The following CAGE1 variants were observed in gnomAD, a reference collection of about 807,000 sequenced individuals.
CAGE1 encodes cancer-associated gene 1 protein.
In CAGE1, 66 loss-of-function variants were observed where a neutral mutation model predicts 94.9. The ratio of observed to expected loss-of-function variants is 0.70; its 90% CI spans 0.57 to 0.85. The LOEUF is 0.85. Among genes scored for constraint, CAGE1 ranks in the 40% least tolerant of loss-of-function variants. The pLI is 0.00. For missense variants in CAGE1, 865 were observed against 950.4 expected (o/e 0.91, Z 1.18); for synonymous variants, 319 against 321.0 (o/e 0.99, Z 0.07).
At chr6:7,371,192 C>T (rs1045581915) in intron 5 of CAGE1, among the ~76,000 whole-genome samples, 1 of 152,110 alleles carries the variant, frequency 6.6e-6, no homozygotes, top group African/African-American at 2.4e-5. Flanking sequence ...TTCTCAGGCC[C>T]CACCCCAGAA....
chr6:7,337,279 A>T (rs1170980255), intron 11 of CAGE1, among the ~76,000 whole-genome samples: 2 of 146,570 alleles, frequency 1.4e-5, no homozygotes, highest in South Asian at 2.3e-4. Flanking sequence ...GTGAGCCAAG[A>T]TTGCACCACT....
At chr6:7,330,061 T>C (rs1329179883) in intron 12 of CAGE1, among the ~76,000 whole-genome samples, 173 bp from the exon 13 acceptor site, 1 of 152,166 alleles carries the variant, frequency 6.6e-6, no homozygotes, top group African/African-American at 2.4e-5. Flanking sequence ...CTTTTTGGTA[T>C]ATAACATGTG....
rs1437922801 is a variant in CAGE1, at chr6:7,362,467, G to A, written c.2193+3001C>T. ...TTTGCACTTGACAGTTAAACACCCAGGATGCTTGAGCCAGCAGGAAGGCAA... is the reference window on the plus strand; with the variant it reads ...TTTGCACTTGACAGTTAAACACCCAAGATGCTTGAGCCAGCAGGAAGGCAA... On this transcript the variant is annotated intron_variant, in intron 9 of 13. Transcript: ENST00000502583. The surrounding 1 kb of genome is among the most constrained non-coding windows in gnomAD (Gnocchi z 4.1). 6.6e-6 allele frequency among the ~76,000 whole-genome samples: 1 copy of A among 152,144 alleles called. No individual in the cohort carries two copies. Among genetic ancestry groups the A allele is most frequent in the African/African-American group, 2.4e-5 (1 of 41,434 alleles).
At chr6:7,388,292 C>T (rs1173627540) in intron 1 of CAGE1, among the ~76,000 whole-genome samples, 1 of 152,182 alleles carries the variant, frequency 6.6e-6, no homozygotes, top group Non-Finnish European at 1.5e-5. Context: ...AGATAATGTT[C>T]CTTACGAATT....
chr6:7,343,021 T>C (rs1481685586), intron 11 of CAGE1, among the ~76,000 whole-genome samples: 1 of 152,000 alleles, frequency 6.6e-6, no homozygotes, highest in Non-Finnish European at 1.5e-5. Flanking sequence ...ACCCTGTCTC[T>C]ACTAAAAATA....
chr6:7,331,381 G>A (rs1561845156), intron 12 of CAGE1: 2 of 966,762 alleles, frequency 2.1e-6, no homozygotes, highest in Admixed American at 2.7e-5. Flanking sequence ...GAGAACAGCT[G>A]CTACTTTAGT....
chr6:7,336,664 C>G (rs1170750830), intron 11 of CAGE1, among the ~76,000 whole-genome samples: 1 of 152,126 alleles, frequency 6.6e-6, no homozygotes, highest in Non-Finnish European at 1.5e-5. Context: ...TGTGCGCCAC[C>G]ATGCTTGGCT....
At chr6:7,333,642 C>CTATATATG (rs1758838997) in intron 12 of CAGE1, among the ~76,000 whole-genome samples, 1 of 121,504 alleles carries the variant, frequency 8.2e-6, no homozygotes, top group Admixed American at 8.2e-5. Context: ...ATCTAACTAT[C>CTATATATG]TATATATATA....
At chr6:7,355,682 T>G (rs1007957639) in intron 10 of CAGE1, among the ~76,000 whole-genome samples, 1 of 152,230 alleles carries the variant, frequency 6.6e-6, no homozygotes, top group Non-Finnish European at 1.5e-5. Flanking sequence ...GCATAGTTTT[T>G]AAAAGGCACA....
intron 4 of CAGE1, among the ~76,000 whole-genome samples, chr6:7,377,719 A>G (rs1246317751): frequency 6.6e-6 from 1 of 152,226 alleles, no homozygotes; most frequent in African/African-American, 2.4e-5. Context: ...CCTGGGCAAC[A>G]GAGTGAGACT....
intron 3 of CAGE1, among the ~76,000 whole-genome samples, chr6:7,380,273 A>T (rs1760885978): frequency 6.6e-6 from 1 of 152,148 alleles, no homozygotes; most frequent in Admixed American, 6.6e-5. Context: ...ACTTTAGGTG[A>T]GTGATTAATA....
chr6:7,352,170 A>G (rs1350059621), intron 11 of CAGE1, among the ~76,000 whole-genome samples: 1 of 152,068 alleles, frequency 6.6e-6, no homozygotes, highest in Non-Finnish European at 1.5e-5. Flanking sequence ...GAACTGACAA[A>G]CGAATTCAGC....
chr6:7,379,561 T>G (rs1451513341), intron 3 of CAGE1, among the ~76,000 whole-genome samples: 2 of 152,326 alleles, frequency 1.3e-5, no homozygotes, highest in East Asian at 3.9e-4. Context: ...TGCTATACTA[T>G]TTTTCAATAT....
intron 11 of CAGE1, among the ~76,000 whole-genome samples, chr6:7,345,518 G>GCTGCATATGCATAGCTTACT (rs1421685240): frequency 6.6e-6 from 1 of 152,130 alleles, no homozygotes; most frequent in African/African-American, 2.4e-5. Context: ...GATCACTCTG[G>GCTGCATATGCATAGCTTACT]CTGCATATAC....
intron 5 of CAGE1, among the ~76,000 whole-genome samples, chr6:7,370,921 G>GA (rs1760518765): frequency 6.6e-6 from 1 of 152,146 alleles, no homozygotes; most frequent in Non-Finnish European, 1.5e-5. Context: ...TAGAGTTCAT[G>GA]AAAAGCAAAA....
intron 6 of CAGE1, among the ~76,000 whole-genome samples, chr6:7,369,103 G>T (rs1246869265): frequency 6.6e-6 from 1 of 151,442 alleles, no homozygotes; most frequent in African/African-American, 2.4e-5. Flanking sequence ...CTCCCCCCAG[G>T]TTCAAGCTAT....
intron 9 of CAGE1, among the ~76,000 whole-genome samples, chr6:7,361,755 A>C (rs1760173769): frequency 6.6e-6 from 1 of 152,216 alleles, no homozygotes; most frequent in Non-Finnish European, 1.5e-5. Flanking sequence ...AGAGTATCAG[A>C]AGGACTACTG....
intron 11 of CAGE1, chr6:7,341,984 T>C (rs952930112): frequency 1.7e-5 from 13 of 755,300 alleles, no homozygotes; most frequent in Admixed American, 1.6e-4. Context: ...TTGTTCTCAC[T>C]GGTGCCAAGG....
In CAGE1 at chr6:7,385,829, G is replaced by A. The variant is rs1761104124; in HGVS notation, c.239C>T (p.Thr80Ile). ...NFERENEYES[T>I]LCEDAYGTLD... is the part of the protein sequence containing the mutation. Reference sequence around the variant, plus strand: ...TGTGCCATAAGCATCTTCACAAAGTGTGGATTCATACTCATTTTCCCTTTC... The same window carrying A: ...TGTGCCATAAGCATCTTCACAAAGTATGGATTCATACTCATTTTCCCTTTC... Residue 80 changes from threonine (T) to isoleucine (I), a missense_variant, in exon 3 of 14, where the codon ACA becomes ATA. Physicochemically the swap from Thr to Ile is moderately conservative, Grantham distance 89. Coordinates refer to ENST00000502583, the MANE Select transcript of CAGE1 (RefSeq NM_001170692.2). 2 of 1,543,422 alleles carry A rather than the reference G, an allele frequency of 1.3e-6. No individual in the cohort carries two copies. The highest frequency in any genetic ancestry group is 1.7e-6 in the Non-Finnish European group (2 of 1,143,938).
Sources: gnomAD v4.1 joint callset for allele counts (sites outside exome capture counted in the v4.1 genomes callset) on GRCh38, gnomAD v4.1.1 for gene constraint, Gnocchi (gnomAD v3.1) non-coding constraint, MANE v1.5 for transcripts, NCBI Gene and HGNC (gene_info 2026-07-23, HGNC 2026-07-21) for gene names.